Variants in CELF2 observed in about 807,000 individuals in gnomAD.
CELF2 encodes CUGBP Elav-like family member 2.
CELF2 carries 8 observed loss-of-function variants against 62.6 expected under a neutral mutation model. The observed-to-expected ratio is 0.13, with a 90% CI of 0.07 to 0.23. CELF2 has a LOEUF of 0.23. Among genes scored for constraint, CELF2 ranks in the 10% least tolerant of loss-of-function variants. The pLI is 1.00. For missense variants in CELF2, 333 were observed against 671.0 expected (o/e 0.50, Z 5.56); for synonymous variants, 258 against 250.0 (o/e 1.03, Z -0.30).
chr10:10,941,324 A>C (rs2047027078), intron 2 of CELF2, among the ~76,000 whole-genome samples: 2 of 152,008 alleles, frequency 1.3e-5, no homozygotes, highest in South Asian at 4.2e-4. Context: ...GCCTCCCTTG[A>C]CCCTGGAACT....
At chr10:11,184,140 G>A (rs1478684435) in intron 2 of CELF2, among the ~76,000 whole-genome samples, 1 of 152,166 alleles carries the variant, frequency 6.6e-6, no homozygotes, top group African/African-American at 2.4e-5. Flanking sequence ...ATATTCAATT[G>A]TTCCAGCACT....
intron 2 of CELF2, chr10:10,946,751 T>C (rs2047727791): frequency 6.6e-6 from 1 of 152,234 alleles, no homozygotes; most frequent in African/African-American, 2.4e-5. Flanking sequence ...CATTTAGAGA[T>C]GAGGTATAGA....
At chr10:10,660,354 T>G in the CELF2 span, among the ~76,000 whole-genome samples, 1 of 152,216 alleles carries the variant, frequency 6.6e-6, no homozygotes, top group Admixed American at 6.5e-5. Flanking sequence ...TGATAGTGTG[T>G]GTTGGAGCAA....
At chr10:10,661,658 G>A in the CELF2 span, among the ~76,000 whole-genome samples, 1 of 152,172 alleles carries the variant, frequency 6.6e-6, no homozygotes, top group African/African-American at 2.4e-5. Flanking sequence ...TAACTGTACT[G>A]TGAAAGTTAG....
rs140041866 is a variant in CELF2 at position 10,980,676 on chromosome 10, C to T, written c.89+60677C>T. Among the ~76,000 whole-genome samples the T allele has an allele frequency of 1.7e-3, 255 of 152,358 alleles. 1 individual carries two copies. Among genetic ancestry groups the T allele is most frequent in the African/African-American group, 5.0e-3 (210 of 41,592 alleles). On this transcript the variant is annotated intron_variant, in intron 2 of 13. Transcript: ENST00000636488. The stretch of plus-strand genomic sequence containing the variant: ...CATGATCTCCTAACGGTCTCTCGCA[C>T]CCGCACAGGTTATTTGAGAATCTGC...
intron 1 of CELF2, among the ~76,000 whole-genome samples, chr10:10,864,145 C>A (rs537015864): frequency 2.6e-5 from 4 of 152,304 alleles, no homozygotes; most frequent in East Asian, 1.9e-4. Flanking sequence ...ATATATTACA[C>A]ATATACGTAC....
the CELF2 span, among the ~76,000 whole-genome samples, chr10:10,579,239 G>A: frequency 6.6e-6 from 1 of 152,106 alleles, no homozygotes; most frequent in Non-Finnish European, 1.5e-5. Context: ...CTGCTTCAGG[G>A]GAGTATTATG....
intron 1 of CELF2, among the ~76,000 whole-genome samples, chr10:10,901,795 G>A (rs1245801720): frequency 6.6e-6 from 1 of 152,158 alleles, no homozygotes; most frequent in Non-Finnish European, 1.5e-5. Flanking sequence ...TATTAGGTTT[G>A]TGCAAAAATA....
the CELF2 span, among the ~76,000 whole-genome samples, chr10:10,476,049 C>T: frequency 5.8e-3 from 876 of 152,114 alleles, 8 homozygotes; most frequent in African/African-American, 0.019. Flanking sequence ...CTCTTGAATA[C>T]ACATTCCAAG....
the CELF2 span, among the ~76,000 whole-genome samples, chr10:10,579,277 T>C: frequency 1.6e-4 from 25 of 152,168 alleles, 1 homozygote; most frequent in African/African-American, 5.8e-4. Flanking sequence ...TTAAGAAGGC[T>C]GAAAATGCAG....
chr10:10,719,282 A>C, the CELF2 span, among the ~76,000 whole-genome samples: 552 of 152,148 alleles, frequency 3.6e-3, 6 homozygotes, highest in Non-Finnish European at 4.6e-3. Flanking sequence ...TTAATGATAC[A>C]GGGTCTCACT....
In CELF2 at chr10:11,145,582, C is replaced by T. The variant is rs375529470; in HGVS notation, c.75-19904C>T. Among the ~76,000 whole-genome samples, 7 of 152,196 alleles carry T rather than the reference C, an allele frequency of 4.6e-5. No individual in the cohort carries two copies. Among genetic ancestry groups the T allele is most frequent in the African/African-American group, 9.6e-5 (4 of 41,540 alleles). ...AATCAGCTACTGAAAAGGGTGGGGACGCTGAAGGCAGGAAGTGGAGAGCGG... is the reference window on the plus strand; with the variant it reads ...AATCAGCTACTGAAAAGGGTGGGGATGCTGAAGGCAGGAAGTGGAGAGCGG... On this transcript the variant is annotated intron_variant, in intron 1 of 12. Transcript: ENST00000633077. This position sits in a 1 kb window ranked among gnomAD's most constrained non-coding sequence, Gnocchi z 4.3.
intron 1 of CELF2, among the ~76,000 whole-genome samples, chr10:11,074,407 A>G (rs1361401047): frequency 6.6e-6 from 1 of 152,222 alleles, no homozygotes; most frequent in African/African-American, 2.4e-5. Context: ...CTTAGAAAAT[A>G]TGTCAGCTTA....
Position 11,319,083 on chromosome 10 carries a change from T to G in CELF2, c.1097-2106T>G, listed in dbSNP as rs763766419. 2.1e-6 allele frequency: 1 copy of G among 470,290 alleles called. No individual in the cohort carries two copies. Among genetic ancestry groups the G allele is most frequent in the Non-Finnish European group, 4.4e-6 (1 of 227,050 alleles). 29.1% of individuals were successfully genotyped at this position (470,290 alleles called of 1,614,324 possible). A position where few individuals can be genotyped will look rare whatever the true frequency, so the allele number is the denominator to read the frequency against. On this transcript the variant is annotated intron_variant, in intron 10 of 12. Coordinates refer to ENST00000633077, the MANE Select transcript of CELF2 (RefSeq NM_001326342.2). This position sits in a 1 kb window ranked among gnomAD's most constrained non-coding sequence, Gnocchi z 4.4. Reference sequence around the variant, plus strand: ...GAGGCACACCCAGAACCTCATGCCTTGAGATCCAAGCAGAGCGGCGAGTCG... The same window carrying G: ...GAGGCACACCCAGAACCTCATGCCTGGAGATCCAAGCAGAGCGGCGAGTCG...
chr10:11,291,162 AT>A (rs145198592), intron 9 of CELF2, among the ~76,000 whole-genome samples: 1,836 of 152,330 alleles, frequency 0.012, 20 homozygotes, highest in Non-Finnish European at 0.015. Context: ...GCCTCATCCC[AT>A]CTCTCCTCCA....
At position 10,993,899 on chromosome 10, in the gene CELF2, T is replaced by A. The variant is rs1186672676; in HGVS notation, c.89+73900T>A. 1.3e-5 allele frequency among the ~76,000 whole-genome samples: 2 copies of A among 152,260 alleles called. No homozygotes were observed. The highest frequency in any genetic ancestry group is 2.9e-5 in the Non-Finnish European group (2 of 68,008). ...CCCAATCCAGTAGGACTAGTATCCT[T>A]ATCAGAAAAAAAAGACACTAGAGAT... On this transcript the variant is annotated intron_variant, in intron 2 of 13. Transcript: ENST00000636488. This position sits in a 1 kb window ranked among gnomAD's most constrained non-coding sequence, Gnocchi z 5.3.
chr10:10,856,612 G>A (rs1323146066), intron 1 of CELF2, among the ~76,000 whole-genome samples: 1 of 152,082 alleles, frequency 6.6e-6, no homozygotes, highest in Non-Finnish European at 1.5e-5. Flanking sequence ...GTCTTCGTTA[G>A]CATCTTTGTT....
At position 11,207,075 on chromosome 10, in the gene CELF2, G is replaced by A. The variant is rs1197760979; in HGVS notation, c.272-10350G>A. ...CTTATTTCAAAGAACCAGAGAAGGG[G>A]AAAAGCACATTCCAGCAATTTTGCC... On this transcript the variant is annotated intron_variant, in intron 2 of 12. Coordinates refer to ENST00000633077, the MANE Select transcript of CELF2 (RefSeq NM_001326342.2). The surrounding 1 kb of genome is among the most constrained non-coding windows in gnomAD (Gnocchi z 4.1). 1.3e-5 allele frequency among the ~76,000 whole-genome samples: 2 copies of A among 152,216 alleles called. No homozygotes were observed. The highest frequency in any genetic ancestry group is 1.5e-5 in the Non-Finnish European group (1 of 68,036).
At chr10:10,479,325 T>C in the CELF2 span, among the ~76,000 whole-genome samples, 1 of 151,980 alleles carries the variant, frequency 6.6e-6, no homozygotes, top group African/African-American at 2.4e-5. Flanking sequence ...TACACCACCG[T>C]GCCCGGATAA....
Sources: gnomAD v4.1 joint callset for allele counts (sites outside exome capture counted in the v4.1 genomes callset) on GRCh38, gnomAD v4.1.1 for gene constraint, Gnocchi (gnomAD v3.1) non-coding constraint, MANE v1.5 for transcripts, NCBI Gene and HGNC (gene_info 2026-07-23, HGNC 2026-07-21) for gene names.